The following TMEM177 variants were observed in gnomAD, a reference collection of about 807,000 sequenced individuals.
The protein encoded by TMEM177 is transmembrane protein 177.
TMEM177 carries 4 observed loss-of-function variants against 14.2 expected under a neutral mutation model. That is an observed-to-expected ratio of 0.28 (90% confidence interval 0.14 to 0.64). TMEM177 has a LOEUF of 0.64. Among genes scored for constraint, TMEM177 ranks in the 30% least tolerant of loss-of-function variants. The pLI is 0.82. For synonymous variants in TMEM177, 179 were observed against 174.5 expected, an observed-to-expected ratio of 1.03 and a Z score of -0.20; for missense variants, 344 against 405.2, an observed-to-expected ratio of 0.85 and a Z score of 1.30.
At chr2:119,693,726 G>GCAA in the TMEM177 span, among the ~76,000 whole-genome samples, 1 of 152,080 alleles carries the variant, frequency 6.6e-6, no homozygotes, top group Non-Finnish European at 1.5e-5. Flanking sequence ...CACACCTGAA[G>GCAA]CAAAGGGCTC....
chr2:119,715,030 A>G, the TMEM177 span, among the ~76,000 whole-genome samples: 1 of 152,106 alleles, frequency 6.6e-6, no homozygotes, highest in South Asian at 2.1e-4. Context: ...TTGAGCTCCC[A>G]TTGTCATGAC....
At chr2:119,722,611 T>C in the TMEM177 span, among the ~76,000 whole-genome samples, 1 of 152,202 alleles carries the variant, frequency 6.6e-6, no homozygotes. Flanking sequence ...TAAATGAAAA[T>C]GCATGGTGTC....
At chr2:119,691,343 G>T (rs1215493167), downstream of TMEM177, among the ~76,000 whole-genome samples, 1 of 152,154 alleles carries the variant, frequency 6.6e-6, no homozygotes, top group Non-Finnish European at 1.5e-5. Context: ...CTTGGACAGT[G>T]CCTGGCACAG....
Position 119,680,907 on chromosome 2 carries a change from C to T in TMEM177, c.54C>T (p.Gly18=), listed in dbSNP as rs1346482971. 1.2e-6 allele frequency: 2 copies of T among 1,614,130 alleles called. No individual in the cohort carries two copies. Among genetic ancestry groups the T allele is most frequent in the Non-Finnish European group, 1.7e-6 (2 of 1,180,042 alleles). The stretch of plus-strand genomic sequence containing the variant: ...CATTTGTGCAGAGACACAGGACAGG[C>T]CTCTTGGTGGGTTCCTGTGCAGGCC... ...TAAFVQRHRT[G]LLVGSCAGLF... The change falls in exon 2 of 2, where the codon GGC becomes GGT. Residue 18 remains glycine, a synonymous_variant. Coordinates refer to ENST00000272521, the MANE Select transcript of TMEM177 (RefSeq NM_030577.3).
At chr2:119,684,552 T>C (rs978393057), downstream of TMEM177, among the ~76,000 whole-genome samples, 1 of 152,108 alleles carries the variant, frequency 6.6e-6, no homozygotes, top group African/African-American at 2.4e-5. Flanking sequence ...TTTTGCAGTT[T>C]CAGTAACTAG....
the TMEM177 span, among the ~76,000 whole-genome samples, chr2:119,720,962 A>G: frequency 6.6e-6 from 1 of 152,160 alleles, no homozygotes; most frequent in South Asian, 2.1e-4. Flanking sequence ...TATTTTCTCC[A>G]TAACCTTCAG....
the TMEM177 span, among the ~76,000 whole-genome samples, chr2:119,694,146 C>G: frequency 1.3e-5 from 1 of 76,852 alleles, no homozygotes; most frequent in African/African-American, 4.9e-5. Flanking sequence ...ATTGCACGTA[C>G]CACACACATG....
At chr2:119,700,941 G>A in the TMEM177 span, among the ~76,000 whole-genome samples, 30 of 152,316 alleles carry the variant, frequency 2.0e-4, no homozygotes, top group African/African-American at 4.8e-4. Context: ...TGGCAACCGC[G>A]ATCACAGGGA....
the TMEM177 span, among the ~76,000 whole-genome samples, chr2:119,700,730 G>T: frequency 2.0e-5 from 3 of 152,302 alleles, no homozygotes; most frequent in South Asian, 6.2e-4. Flanking sequence ...ACACCATTTT[G>T]TAGGTCTCCT....
chr2:119,719,996 A>G, the TMEM177 span, among the ~76,000 whole-genome samples: 1 of 152,176 alleles, frequency 6.6e-6, no homozygotes, highest in East Asian at 1.9e-4. Context: ...GGGTTTCCCT[A>G]TGATGCCCAG....
At chr2:119,713,236 A>ATT in the TMEM177 span, among the ~76,000 whole-genome samples, 3 of 151,854 alleles carry the variant, frequency 2.0e-5, no homozygotes, top group African/African-American at 7.3e-5. Flanking sequence ...AGCCTGACTA[A>ATT]TTTTGTATTT....
chr2:119,721,535 C>T, the TMEM177 span, among the ~76,000 whole-genome samples: 1 of 152,114 alleles, frequency 6.6e-6, no homozygotes, highest in Non-Finnish European at 1.5e-5. Context: ...GTGGGAACAC[C>T]CAGATTTGTA....
chr2:119,704,357 T>C, the TMEM177 span, among the ~76,000 whole-genome samples: 144 of 152,314 alleles, frequency 9.5e-4, no homozygotes, highest in Middle Eastern at 0.014. Context: ...CCCAGCAGTT[T>C]GGGAGGCTGA....
rs1341622870 is a variant in TMEM177 at position 119,681,116 on chromosome 2, T to C, written c.263T>C (p.Phe88Ser). 1 of 1,614,108 alleles carries C rather than the reference T, an allele frequency of 6.2e-7. No individual in the cohort carries two copies. The highest frequency in any genetic ancestry group is 1.3e-5 in the African/African-American group (1 of 74,938). ...HCYKPFTTFTFQPVSAGFPRL... is the reference protein window; with the variant it reads ...HCYKPFTTFTSQPVSAGFPRL... ...TACAAGCCCTTCACCACCTTCACCT[T>C]CCAACCTGTGAGTGCAGGCTTCCCA... Residue 88 changes from phenylalanine (F) to serine (S), a missense_variant, in exon 2 of 2, where the codon TTC (phenylalanine) becomes TCC (serine). Transcript: ENST00000272521.
the TMEM177 span, among the ~76,000 whole-genome samples, chr2:119,694,780 T>C: frequency 6.6e-6 from 1 of 152,232 alleles, no homozygotes; most frequent in Non-Finnish European, 1.5e-5. Flanking sequence ...CACTGCATCA[T>C]GTGCTTGTGT....
chr2:119,710,782 T>G, the TMEM177 span, among the ~76,000 whole-genome samples: 1 of 151,966 alleles, frequency 6.6e-6, no homozygotes. Context: ...CTATTTTTTT[T>G]TGTATTTTTA....
chr2:119,722,378 T>C, the TMEM177 span, among the ~76,000 whole-genome samples: 540 of 98,972 alleles, frequency 5.5e-3, 1 homozygote, highest in Non-Finnish European at 9.0e-3. Context: ...CAAGATCCTG[T>C]TTCTAAAAAA....
At chr2:119,688,980 G>A (rs959228672), downstream of TMEM177, among the ~76,000 whole-genome samples, 5 of 152,206 alleles carry the variant, frequency 3.3e-5, no homozygotes, top group Non-Finnish European at 7.3e-5. Flanking sequence ...CCTCCAGTAG[G>A]TGACTGTGGC....
At chr2:119,693,001 A>AGGGATTT in the TMEM177 span, among the ~76,000 whole-genome samples, 1 of 135,418 alleles carries the variant, frequency 7.4e-6, no homozygotes, top group Admixed American at 7.5e-5. Flanking sequence ...AAAAAAAGGC[A>AGGGATTT]GGGATTTGTC....
Sources: gnomAD v4.1 joint callset for allele counts (sites outside exome capture counted in the v4.1 genomes callset) on GRCh38, gnomAD v4.1.1 for gene constraint, MANE v1.5 for transcripts, NCBI Gene and HGNC (gene_info 2026-07-23, HGNC 2026-07-21) for gene names.